FOXP2: variants seen among roughly 807,000 people sequenced by gnomAD.
The protein encoded by FOXP2 is forkhead box P2.
FOXP2 carries 12 observed loss-of-function variants against 115.8 expected under a neutral mutation model. The observed-to-expected ratio is 0.10, with a 90% CI of 0.07 to 0.17. FOXP2 has a LOEUF of 0.17. Among genes scored for constraint, FOXP2 ranks in the 10% least tolerant of loss-of-function variants. The pLI is 1.00. For missense variants in FOXP2, 629 were observed against 843.5 expected (o/e 0.75, Z 3.15); for synonymous variants, 328 against 297.7 (o/e 1.10, Z -1.05).
chr7:114,460,065 T>C (rs934923453), intron 2 of FOXP2, among the ~76,000 whole-genome samples: 2 of 152,224 alleles, frequency 1.3e-5, no homozygotes, highest in African/African-American at 4.8e-5. Context: ...TTTTATGTTT[T>C]GTTTTGGTTT....
chr7:114,300,336 AT>A (rs1266404264), intron 2 of FOXP2, among the ~76,000 whole-genome samples: 1 of 152,118 alleles, frequency 6.6e-6, no homozygotes, highest in Non-Finnish European at 1.5e-5. Flanking sequence ...GCGAAGCACT[AT>A]TTAAATAACA....
At chr7:114,541,448 G>A (rs115850726) in intron 3 of FOXP2, among the ~76,000 whole-genome samples, 1,736 of 152,068 alleles carry the variant, frequency 0.011, 27 homozygotes, top group African/African-American at 0.036. Flanking sequence ...AGGCTTTTCA[G>A]CCACATCAAG....
intron 1 of FOXP2, among the ~76,000 whole-genome samples, chr7:114,136,205 C>T (rs569918276): frequency 2.6e-5 from 4 of 152,182 alleles, no homozygotes; most frequent in East Asian, 3.9e-4. Flanking sequence ...TTCCTTCTAT[C>T]CTCTACTCTA....
chr7:114,615,594 ACTCAGCCTC>A (rs1740633560), intron 3 of FOXP2, among the ~76,000 whole-genome samples: 1 of 152,140 alleles, frequency 6.6e-6, no homozygotes, highest in Non-Finnish European at 1.5e-5. Context: ...TCCTTCCCAG[ACTCAGCCTC>A]CTCACTGTGC....
At chr7:114,153,783 C>A (rs1447238437) in intron 1 of FOXP2, among the ~76,000 whole-genome samples, 1 of 152,082 alleles carries the variant, frequency 6.6e-6, no homozygotes, top group Non-Finnish European at 1.5e-5. Flanking sequence ...GTATTAAATA[C>A]CAAACCTTCT....
chr7:114,658,974 C>T (rs1806731407), intron 11 of FOXP2, among the ~76,000 whole-genome samples: 1 of 151,972 alleles, frequency 6.6e-6, no homozygotes, highest in Non-Finnish European at 1.5e-5. Flanking sequence ...GTTAGATGGC[C>T]ACAGATGCAG....
intron 1 of FOXP2, among the ~76,000 whole-genome samples, chr7:114,118,621 A>G (rs1176156277): frequency 6.6e-6 from 1 of 152,134 alleles, no homozygotes; most frequent in Non-Finnish European, 1.5e-5. Flanking sequence ...TTAATTGGCT[A>G]CAGGCTTCAT....
At chr7:114,330,217 A>G (rs990862480) in intron 2 of FOXP2, among the ~76,000 whole-genome samples, 8 of 152,082 alleles carry the variant, frequency 5.3e-5, no homozygotes, top group Non-Finnish European at 1.2e-4. Context: ...TTAATATAGA[A>G]TGGCTATTTA....
chr7:114,293,680 G>A (rs1380857389), intron 2 of FOXP2, among the ~76,000 whole-genome samples: 1 of 152,136 alleles, frequency 6.6e-6, no homozygotes, highest in Admixed American at 6.6e-5. Flanking sequence ...AGATCTGGTG[G>A]CTGTATGGGG....
intron 1 of FOXP2, among the ~76,000 whole-genome samples, chr7:114,284,506 A>C (rs1796418133): frequency 6.6e-6 from 1 of 152,130 alleles, no homozygotes; most frequent in Admixed American, 6.6e-5. Context: ...CTAAAATAAG[A>C]GTTTTCTATA....
intron 3 of FOXP2, among the ~76,000 whole-genome samples, chr7:114,612,391 ATGTATATATGTG>A (rs1446277356): frequency 2.4e-4 from 36 of 151,736 alleles, no homozygotes; most frequent in African/African-American, 8.5e-4. Context: ...ACACACATAT[ATGTATATATGTG>A]TGTATATATG....
intron 3 of FOXP2, among the ~76,000 whole-genome samples, chr7:114,604,474 A>G (rs1803202897): frequency 6.6e-6 from 1 of 152,216 alleles, no homozygotes; most frequent in Non-Finnish European, 1.5e-5. Context: ...ATGGAGGGAC[A>G]GGTTTTCTAC....
intron 2 of FOXP2, among the ~76,000 whole-genome samples, chr7:114,488,823 C>G (rs1469646913): frequency 6.6e-6 from 1 of 152,024 alleles, no homozygotes; most frequent in Non-Finnish European, 1.5e-5. Context: ...TGTAATAACC[C>G]CCTTATAACT....
At chr7:114,595,027 A>C (rs10279820) in intron 3 of FOXP2, among the ~76,000 whole-genome samples, 19,826 of 151,964 alleles carry the variant, frequency 0.13, 1,576 homozygotes, top group African/African-American at 0.22. Context: ...GACTGTTTAT[A>C]TGTGCAAGAA....
At chr7:114,218,152 A>G (rs1481340840) in intron 1 of FOXP2, among the ~76,000 whole-genome samples, 1 of 152,170 alleles carries the variant, frequency 6.6e-6, no homozygotes, top group Non-Finnish European at 1.5e-5. Context: ...ACATTGGCTG[A>G]AATGATCTTA....
In FOXP2 at chr7:114,415,225, A is replaced by T. The variant is rs1793283311; in HGVS notation, c.-146A>T. 1 of 453,854 alleles carries T rather than the reference A, an allele frequency of 2.2e-6. No individual in the cohort carries two copies. Among genetic ancestry groups the T allele is most frequent in the Admixed American group, 2.4e-5 (1 of 42,510 alleles). 28.1% of individuals were successfully genotyped at this position (453,854 alleles called of 1,614,324 possible). On this transcript the variant is annotated 5_prime_UTR_variant, in exon 1 of 17. Coordinates refer to ENST00000350908, the MANE Select transcript of FOXP2 (RefSeq NM_014491.4). ...TTGTCTGATGGTGGCTTTGACAGTG[A>T]GCTAGCTTCTGAGTTTTCCCTTCTT...
chr7:114,577,771 G>A lies in FOXP2; in HGVS notation c.258+43065G>A, dbSNP rs563988071. 5.3e-5 allele frequency among the ~76,000 whole-genome samples: 8 copies of A among 151,984 alleles called. 1 individual carries two copies. The highest frequency in any genetic ancestry group is 5.2e-4 in the Admixed American group (8 of 15,252). On this transcript the variant is annotated intron_variant, in intron 3 of 16. Transcript: ENST00000350908. ...ATGTTATATATTTAATATTTTATGA[G>A]TAATGCTGTAATTTAGAATTTTATA...
intron 8 of FOXP2, 91 bp from the exon 9 acceptor site, chr7:114,652,112 T>C: frequency 8.5e-7 from 1 of 1,175,172 alleles, no homozygotes. Context: ...CACAGAAACA[T>C]CTGACTTCAG....
At chr7:114,577,045 T>C (rs1445358779) in intron 3 of FOXP2, among the ~76,000 whole-genome samples, 2 of 151,288 alleles carry the variant, frequency 1.3e-5, no homozygotes, top group Non-Finnish European at 3.0e-5. Flanking sequence ...TTCTTTCTTA[T>C]TGAAGTTACA....
Sources: allele counts gnomAD v4.1 joint callset (sites outside exome capture counted in the v4.1 genomes callset), GRCh38; gene constraint gnomAD v4.1.1; transcripts MANE v1.5; gene names NCBI Gene and HGNC (gene_info 2026-07-23, HGNC 2026-07-21).